The following SMKR1 variants were observed in gnomAD, a reference collection of about 807,000 sequenced individuals.
SMKR1 encodes the protein small lysine-rich protein 1.
Under a neutral mutation model 4.0 loss-of-function variants are expected in SMKR1, and 4 were observed. That is an observed-to-expected ratio of 1.00 (90% CI 0.49 to 2.30). The LOEUF (loss-of-function observed/expected upper bound fraction) is 2.30. Ranked by LOEUF, SMKR1 falls within the 30% of genes most tolerant of loss-of-function variation. SMKR1 has a pLI of 0.02. For synonymous variants in SMKR1, 38 were observed against 32.5 expected, an observed-to-expected ratio of 1.17 and a Z score of -0.58; for missense variants, 56 against 81.8, an observed-to-expected ratio of 0.68 and a Z score of 1.22.
chr7:129,503,258 C>G (rs1203008998), intron 1 of SMKR1, among the ~76,000 whole-genome samples: 1 of 149,760 alleles, frequency 6.7e-6, no homozygotes, highest in Non-Finnish European at 1.5e-5. Context: ...CACCACCTTG[C>G]TGTCAACAGC....
intron 1 of SMKR1, 32 bp downstream of exon 1, chr7:129,502,859 C>G (rs1388953566): frequency 6.5e-7 from 1 of 1,534,446 alleles, no homozygotes; most frequent in Non-Finnish European, 8.7e-7. Context: ...TACCCGGGGC[C>G]AGGGCGCGCG....
chr7:129,506,864 C>CTTT (rs149799446), intron 1 of SMKR1, among the ~76,000 whole-genome samples: 10 of 132,248 alleles, frequency 7.6e-5, no homozygotes, highest in South Asian at 4.8e-4. Context: ...TCTTTCTTTT[C>CTTT]TTTTTTTTTT....
At chr7:129,508,968 C>T (rs1797840237) in intron 1 of SMKR1, among the ~76,000 whole-genome samples, 1 of 152,172 alleles carries the variant, frequency 6.6e-6, no homozygotes, top group Admixed American at 6.5e-5. Context: ...GATTAAAACA[C>T]ATACATTAAG....
At chr7:129,502,971 G>T in intron 1 of SMKR1, 144 bp downstream of exon 1, 1 of 1,225,086 alleles carries the variant, frequency 8.2e-7, no homozygotes, top group South Asian at 1.5e-5. Flanking sequence ...GGGACAAGGG[G>T]TGCCCGGCGG....
intron 1 of SMKR1, among the ~76,000 whole-genome samples, chr7:129,508,802 T>C (rs1490904499): frequency 2.0e-5 from 3 of 152,204 alleles, no homozygotes; most frequent in African/African-American, 7.2e-5. Context: ...TACAAAAAGA[T>C]GAGAACTTTG....
intron 1 of SMKR1, among the ~76,000 whole-genome samples, chr7:129,505,460 G>A (rs1288576535): frequency 2.0e-5 from 3 of 151,876 alleles, no homozygotes; most frequent in African/African-American, 7.2e-5. Flanking sequence ...GTGTCAGGGA[G>A]GTCTTTCTTT....
In SMKR1 at chr7:129,502,588, G is replaced by T; in HGVS notation, c.-237G>T. The T allele has an allele frequency of 6.1e-6, 3 of 491,422 alleles. No homozygotes were observed. In the Admixed American group the frequency reaches 1.3e-4, roughly 21 times the overall value. The allele number at this position is 491,422 out of a possible 1,614,324, so 30.4% of individuals were successfully genotyped here. On this transcript the variant is annotated 5_prime_UTR_variant, in exon 1 of 2. Transcript: ENST00000462322. Reference sequence around the variant, plus strand: ...CCTAGGTGCCGCGTGGGGCAAGCAGGTGCCTCGCGTCCAGGCGGCTCCGCG... The same window carrying T: ...CCTAGGTGCCGCGTGGGGCAAGCAGTTGCCTCGCGTCCAGGCGGCTCCGCG...
chr7:129,511,070 C>A (rs111255326), intron 1 of SMKR1, among the ~76,000 whole-genome samples: 8,846 of 152,214 alleles, frequency 0.058, 579 homozygotes, highest in East Asian at 0.17. Context: ...TTGGCCTTCC[C>A]AAGTGCTGGG....
chr7:129,503,544 A>G (rs942648423), intron 1 of SMKR1, among the ~76,000 whole-genome samples: 2 of 152,224 alleles, frequency 1.3e-5, no homozygotes, highest in African/African-American at 4.8e-5. Flanking sequence ...GTTCTTCTGG[A>G]AGCCCCTTGC....
intron 1 of SMKR1, among the ~76,000 whole-genome samples, chr7:129,511,268 GAAAAT>G (rs1389701697): frequency 2.0e-5 from 3 of 152,158 alleles, no homozygotes; most frequent in Admixed American, 2.0e-4. Context: ...AAACATAAAT[GAAAAT>G]AAAATCATAA....
At chr7:129,506,402 A>G (rs932755130) in intron 1 of SMKR1, among the ~76,000 whole-genome samples, 1 of 152,334 alleles carries the variant, frequency 6.6e-6, no homozygotes, top group East Asian at 1.9e-4. Context: ...TGATCGTGCC[A>G]CTGTACTCCA....
intron 1 of SMKR1, among the ~76,000 whole-genome samples, chr7:129,507,571 A>G (rs1282856510): frequency 6.6e-6 from 1 of 152,188 alleles, no homozygotes; most frequent in African/African-American, 2.4e-5. Flanking sequence ...TATGGTAGAC[A>G]TGTGTTTAAC....
chr7:129,507,367 C>A (rs950185716), intron 1 of SMKR1, among the ~76,000 whole-genome samples: 5 of 151,910 alleles, frequency 3.3e-5, no homozygotes, highest in African/African-American at 1.2e-4. Flanking sequence ...CGGGGCTGAT[C>A]TTGAACTCCT....
chr7:129,504,736 T>C (rs1342472031), intron 1 of SMKR1, among the ~76,000 whole-genome samples: 1 of 152,182 alleles, frequency 6.6e-6, no homozygotes, highest in Non-Finnish European at 1.5e-5. Context: ...TAAATTTTTG[T>C]AGAGACCGGA....
chr7:129,508,253 C>G (rs1283314022), intron 1 of SMKR1, among the ~76,000 whole-genome samples: 2 of 152,130 alleles, frequency 1.3e-5, no homozygotes, highest in African/African-American at 4.8e-5. Flanking sequence ...ATATGTTGAA[C>G]AAGATTATCT....
At chr7:129,508,357 GAC>G (rs1403439959) in intron 1 of SMKR1, among the ~76,000 whole-genome samples, 1 of 152,134 alleles carries the variant, frequency 6.6e-6, no homozygotes, top group Non-Finnish European at 1.5e-5. Context: ...TGCCTATCTT[GAC>G]ACCACTATCA....
At chr7:129,504,486 A>G (rs1799444407) in intron 1 of SMKR1, among the ~76,000 whole-genome samples, 1 of 151,804 alleles carries the variant, frequency 6.6e-6, no homozygotes, top group Non-Finnish European at 1.5e-5. Flanking sequence ...GCCCTTGCCC[A>G]TCTTGTGCTA....
At chr7:129,509,700 C>G (rs915123672) in intron 1 of SMKR1, among the ~76,000 whole-genome samples, 1 of 152,124 alleles carries the variant, frequency 6.6e-6, no homozygotes, top group Non-Finnish European at 1.5e-5. Context: ...GCCACCACAC[C>G]TGGCTAATTT....
At position 129,502,716 on chromosome 7, in the gene SMKR1, G is replaced by A. The variant is rs1799423051; in HGVS notation, c.-109G>A. ...GGTTCCCTGAGGAGGGCCGAGAAGG[G>A]GCCGGGGGTGCTAGGGGAACGGGCG... On this transcript the variant is annotated 5_prime_UTR_variant, in exon 1 of 2. Coordinates refer to ENST00000462322, the MANE Select transcript of SMKR1 (RefSeq NM_001195243.2). The A allele has an allele frequency of 1.3e-6, 2 of 1,500,950 alleles. No individual in the cohort carries two copies. Among genetic ancestry groups the A allele is most frequent in the Non-Finnish European group, 1.8e-6 (2 of 1,117,518 alleles). The allele number at this position is 1,500,950 out of a possible 1,614,324, so 93.0% of individuals were successfully genotyped here.
Sources: gnomAD v4.1 joint callset for allele counts (sites outside exome capture counted in the v4.1 genomes callset) on GRCh38, gnomAD v4.1.1 for gene constraint, MANE v1.5 for transcripts, NCBI Gene and HGNC (gene_info 2026-07-23, HGNC 2026-07-21) for gene names.